Variants in RGSL1 observed in about 807,000 individuals in gnomAD.
The protein encoded by RGSL1 is regulator of G protein signaling protein-like.
Under a neutral mutation model 124.7 loss-of-function variants are expected in RGSL1, and 97 were observed. The observed-to-expected ratio is 0.78, with a 90% CI of 0.66 to 0.92. RGSL1 has a LOEUF of 0.92. Ranked by LOEUF, RGSL1 falls within the 40% of genes least tolerant of loss-of-function variation. RGSL1 has a pLI of 0.00. For synonymous variants in RGSL1, 424 were observed against 438.1 expected, an observed-to-expected ratio of 0.97 and a Z score of 0.40; for missense variants, 1,233 against 1,288.4, an observed-to-expected ratio of 0.96 and a Z score of 0.66.
chr1:182,451,382 T>C (rs567023322), intron 1 of RGSL1, among the ~76,000 whole-genome samples: 3 of 152,160 alleles, frequency 2.0e-5, no homozygotes, highest in Non-Finnish European at 4.4e-5. Flanking sequence ...AGGGAGATAG[T>C]GATGAATTCT....
chr1:182,465,145 T>G (rs1653187689), intron 4 of RGSL1, among the ~76,000 whole-genome samples: 1 of 148,294 alleles, frequency 6.7e-6, no homozygotes, highest in African/African-American at 2.6e-5. Flanking sequence ...AAAAGGATTA[T>G]AGAAGAGTAC....
Position 182,546,539 on chromosome 1 carries a change from A to G in RGSL1, c.2670-1778A>G, listed in dbSNP as rs572794241. Among the ~76,000 whole-genome samples, 292 of 152,148 alleles carry G rather than the reference A, an allele frequency of 1.9e-3. 1 individual carries two copies. Among genetic ancestry groups the G allele is most frequent in the Non-Finnish European group, 3.3e-3 (222 of 67,994 alleles). On this transcript the variant is annotated intron_variant, in intron 15 of 21. Transcript: ENST00000294854. Reference sequence around the variant, plus strand: ...CTCCCAAGTAGCTGGGACTACAGGCACATGCCACCACGCCCAGCTAATTTT... The same window carrying G: ...CTCCCAAGTAGCTGGGACTACAGGCGCATGCCACCACGCCCAGCTAATTTT...
intron 16 of RGSL1, 44 bp from the exon 17 acceptor site, chr1:182,548,655 TC>T (rs1177196526): frequency 6.5e-7 from 1 of 1,547,330 alleles, no homozygotes; most frequent in South Asian, 1.2e-5. Context: ...TTTTCTGCCT[TC>T]CCGTGGAGCC....
Position 182,522,055 on chromosome 1 carries a change from G to A in RGSL1, c.1877G>A (p.Arg626Lys). 2 of 1,548,836 alleles carry A rather than the reference G, an allele frequency of 1.3e-6. No individual in the cohort carries two copies. The highest frequency in any genetic ancestry group is 1.7e-6 in the Non-Finnish European group (2 of 1,146,172). Reference protein sequence around the residue: ...KETKTVSRSNRKMSLLKRTLV... With the variant: ...KETKTVSRSNKKMSLLKRTLV... ...ACAAAGACAGTTTCACGCTCAAATA[G>A]GAAAATGTCCTTGCTCAAAAGAACT... is the stretch of plus-strand genomic sequence containing the variant. Residue 626 changes from arginine to lysine, a missense_variant, in exon 10 of 22, where the codon AGG becomes AAG. By Grantham distance (26) the Arg-to-Lys change is conservative. Transcript: ENST00000294854.
intron 4 of RGSL1, chr1:182,471,370 C>A (rs1042982544): frequency 2.4e-5 from 11 of 457,380 alleles, no homozygotes; most frequent in Non-Finnish European, 4.0e-5. Flanking sequence ...TCTATTCCTA[C>A]CTCACAGGCA....
intron 6 of RGSL1, among the ~76,000 whole-genome samples, chr1:182,485,474 CA>C (rs758364498): frequency 2.6e-5 from 4 of 152,182 alleles, no homozygotes; most frequent in Non-Finnish European, 5.9e-5. Flanking sequence ...GTTTTCTCAT[CA>C]GTACATTGGG....
intron 9 of RGSL1, among the ~76,000 whole-genome samples, chr1:182,520,673 G>A (rs944013768): frequency 5.3e-5 from 8 of 151,780 alleles, no homozygotes; most frequent in Non-Finnish European, 1.0e-4. Context: ...GTTTTGTATT[G>A]GGAGGGTTTT....
intron 4 of RGSL1, chr1:182,471,447 T>C (rs1180020269): frequency 2.3e-6 from 1 of 440,852 alleles, no homozygotes; most frequent in Admixed American, 2.5e-5. Flanking sequence ...CAGATTGCCC[T>C]AAGCCCCAGT....
intron 4 of RGSL1, among the ~76,000 whole-genome samples, chr1:182,462,030 T>G (rs73057357): frequency 0.011 from 1,622 of 141,346 alleles, 25 homozygotes; most frequent in African/African-American, 0.039. Flanking sequence ...GAACTCCAAG[T>G]AAGATGAACT....
At chr1:182,471,244 T>C (rs1653810969) in intron 4 of RGSL1, 1 of 457,066 alleles carries the variant, frequency 2.2e-6, no homozygotes, top group Non-Finnish European at 4.4e-6. Context: ...AGGGGAAGAG[T>C]TCATTCTCCC....
At chr1:182,512,285 T>C (rs1375427892) in intron 9 of RGSL1, among the ~76,000 whole-genome samples, 2 of 152,240 alleles carry the variant, frequency 1.3e-5, no homozygotes, top group Non-Finnish European at 2.9e-5. Flanking sequence ...CTTTTTACCA[T>C]CTTTGATATG....
intron 4 of RGSL1, among the ~76,000 whole-genome samples, chr1:182,470,947 C>A (rs1653784017): frequency 6.6e-6 from 1 of 152,032 alleles, no homozygotes. Context: ...TTCAACTAAC[C>A]CCCTTCAATA....
At chr1:182,547,916 C>T (rs896362112) in intron 15 of RGSL1, among the ~76,000 whole-genome samples, 1 of 152,200 alleles carries the variant, frequency 6.6e-6, no homozygotes, top group African/African-American at 2.4e-5. Flanking sequence ...TCCAAACCTC[C>T]TCTCATTGCC....
At chr1:182,503,944 C>A (rs1316310057) in intron 9 of RGSL1, among the ~76,000 whole-genome samples, 1 of 150,266 alleles carries the variant, frequency 6.7e-6, no homozygotes, top group African/African-American at 2.4e-5. Flanking sequence ...TTTCAGCCCC[C>A]AAATTTTTAT....
intron 9 of RGSL1, among the ~76,000 whole-genome samples, chr1:182,503,455 A>T (rs1384230128): frequency 6.6e-6 from 1 of 152,270 alleles, no homozygotes; most frequent in Admixed American, 6.5e-5. Flanking sequence ...CATTATGTTA[A>T]GTGAAATAAG....
chr1:182,505,040 A>G (rs1217429310), intron 9 of RGSL1, among the ~76,000 whole-genome samples: 1 of 152,122 alleles, frequency 6.6e-6, no homozygotes. Context: ...ATTACCCCAT[A>G]TGTATCCTTC....
intron 6 of RGSL1, among the ~76,000 whole-genome samples, chr1:182,482,694 T>A (rs1469884446): frequency 1.3e-5 from 2 of 152,202 alleles, no homozygotes; most frequent in Non-Finnish European, 2.9e-5. Flanking sequence ...GTGTGACCAG[T>A]ATGGAAAACA....
intron 10 of RGSL1, among the ~76,000 whole-genome samples, chr1:182,527,115 A>G (rs1241359372): frequency 1.3e-5 from 2 of 152,220 alleles, no homozygotes; most frequent in Non-Finnish European, 2.9e-5. Flanking sequence ...CAGATTACCC[A>G]GGAAAAACCA....
intron 15 of RGSL1, among the ~76,000 whole-genome samples, chr1:182,543,896 T>C (rs1660046412): frequency 6.6e-6 from 1 of 152,110 alleles, no homozygotes; most frequent in South Asian, 2.1e-4. Context: ...GTCTTCTCTC[T>C]GCCTTTATCA....
Sources: gnomAD v4.1 joint callset for allele counts (sites outside exome capture counted in the v4.1 genomes callset) on GRCh38, gnomAD v4.1.1 for gene constraint, MANE v1.5 for transcripts, NCBI Gene and HGNC (gene_info 2026-07-23, HGNC 2026-07-21) for gene names.